The following PHACTR2 variants were observed in gnomAD, a reference collection of about 807,000 sequenced individuals.
PHACTR2 encodes phosphatase and actin regulator 2.
Under a neutral mutation model 76.0 loss-of-function variants are expected in PHACTR2, and 30 were observed. That is an observed-to-expected ratio of 0.39 (90% CI 0.30 to 0.54). The LOEUF is 0.54. Among genes scored for constraint, PHACTR2 ranks in the 20% least tolerant of loss-of-function variants. PHACTR2 has a pLI of 0.61. For missense variants in PHACTR2, 696 were observed against 781.1 expected (o/e 0.89, Z 1.30); for synonymous variants, 292 against 292.5 (o/e 1.00, Z 0.02).
rs1327353294 is a variant in PHACTR2, at chr6:143,592,265, C to G, written c.217+55058C>G. 6.6e-6 allele frequency among the ~76,000 whole-genome samples: 1 copy of G among 152,162 alleles called. No individual in the cohort carries two copies. The highest frequency in any genetic ancestry group is 6.5e-5 in the Admixed American group (1 of 15,278). The stretch of plus-strand genomic sequence containing the variant: ...TTCCATTTGTGTACTTGCCCCAGTC[C>G]CTACAAATGTAATGGGCAGGCTTGG... On this transcript the variant is annotated intron_variant, in intron 1 of 11. Coordinates refer to the PHACTR2 transcript ENST00000367584. This position sits in a 1 kb window ranked among gnomAD's most constrained non-coding sequence, Gnocchi z 4.0.
Position 143,773,932 on chromosome 6 carries a change from G to A in PHACTR2, c.1433-127G>A, listed in dbSNP as rs528019828. 132 of 626,148 alleles carry A rather than the reference G, an allele frequency of 2.1e-4. No homozygotes were observed. The South Asian group carries it at 3.4e-3, about 16-fold the overall frequency. 38.8% of individuals were successfully genotyped at this position (626,148 alleles called of 1,614,324 possible). On this transcript the variant is annotated intron_variant, in intron 7 of 12. Coordinates refer to ENST00000440869, the MANE Select transcript of PHACTR2 (RefSeq NM_001100164.2). ...GTCTTTTTTTCCTTAGGTTAATTAA[G>A]ATTCTCCTCCTGCATGAGGAGAAAG...
chr6:143,673,153 AT>A (rs976373511), upstream of PHACTR2, among the ~76,000 whole-genome samples: 1 of 152,170 alleles, frequency 6.6e-6, no homozygotes, highest in Non-Finnish European at 1.5e-5. Context: ...CCTTATGCCC[AT>A]GTGCTAGAGG....
upstream of PHACTR2, chr6:143,608,159 C>A (rs543117756): frequency 1.4e-6 from 1 of 732,326 alleles, no homozygotes; most frequent in South Asian, 1.5e-5. This position sits in a 1 kb window ranked among gnomAD's most constrained non-coding sequence, Gnocchi z 4.6. Flanking sequence ...TATAAATTTC[C>A]TGGCGGTGTC....
At chr6:143,808,688 C>A (rs1228667763) in intron 12 of PHACTR2, among the ~76,000 whole-genome samples, 2 of 152,026 alleles carry the variant, frequency 1.3e-5, no homozygotes, top group Admixed American at 6.6e-5. Context: ...CTGCAGACAC[C>A]AAGAGCTGAA....
rs1354373617 is a variant in PHACTR2 at position 143,791,164 on chromosome 6, T to C, written c.1845+2254T>C. ...TTTTTGTTTACCTGGAGTTGTTTTTTGGGGGAAGGTATAAGATATGCTTTC... is the reference window on the plus strand; with the variant it reads ...TTTTTGTTTACCTGGAGTTGTTTTTCGGGGGAAGGTATAAGATATGCTTTC... On this transcript the variant is annotated intron_variant, in intron 11 of 12. Transcript: ENST00000440869. This position sits in a 1 kb window ranked among gnomAD's most constrained non-coding sequence, Gnocchi z 4.7. 2.0e-5 allele frequency among the ~76,000 whole-genome samples: 3 copies of C among 152,200 alleles called. No individual in the cohort carries two copies. Among genetic ancestry groups the C allele is most frequent in the Non-Finnish European group, 4.4e-5 (3 of 68,022 alleles).
intron 6 of PHACTR2, among the ~76,000 whole-genome samples, chr6:143,766,341 A>G (rs994221492): frequency 4.6e-5 from 7 of 152,218 alleles, no homozygotes; most frequent in Non-Finnish European, 7.3e-5. Flanking sequence ...TGTGTCTACT[A>G]TACTTAACCC....
rs1357375077 is a variant in PHACTR2, at chr6:143,664,374, T to C, written c.14-47642T>C. 6.6e-6 allele frequency among the ~76,000 whole-genome samples: 1 copy of C among 152,178 alleles called. No homozygotes were observed. The highest frequency in any genetic ancestry group is 2.4e-5 in the African/African-American group (1 of 41,454). On this transcript the variant is annotated intron_variant, in intron 1 of 11. Coordinates refer to the PHACTR2 transcript ENST00000305766. This position sits in a 1 kb window ranked among gnomAD's most constrained non-coding sequence, Gnocchi z 5.1. ...CAATTTTTTAGTCTTTGTCATTAGA[T>C]AAGAAAGCTTATTCCTTTCATATTT...
chr6:143,589,372 C>T lies in PHACTR2; in HGVS notation c.217+52165C>T, dbSNP rs1271737426. The stretch of plus-strand genomic sequence containing the variant: ...GGGGCACCTCACCCTTTGCTCTCTT[C>T]CTCCTGCTCCAGCCATGTAAGACGT... On this transcript the variant is annotated intron_variant, in intron 1 of 11. Coordinates refer to the PHACTR2 transcript ENST00000367584. The surrounding 1 kb of genome is among the most constrained non-coding windows in gnomAD (Gnocchi z 4.4). Among the ~76,000 whole-genome samples, 1 of 152,204 alleles carries T rather than the reference C, an allele frequency of 6.6e-6. No homozygotes were observed. Among genetic ancestry groups the T allele is most frequent in the Non-Finnish European group, 1.5e-5 (1 of 68,042 alleles).
intron 2 of PHACTR2, among the ~76,000 whole-genome samples, chr6:143,744,959 C>T (rs996872514): frequency 6.6e-6 from 1 of 152,120 alleles, no homozygotes; most frequent in Non-Finnish European, 1.5e-5. Context: ...ATAAAAAAAG[C>T]TCTTATGCTT....
At chr6:143,732,950 T>C (rs1290825475) in intron 2 of PHACTR2, among the ~76,000 whole-genome samples, 1 of 152,062 alleles carries the variant, frequency 6.6e-6, no homozygotes, top group Non-Finnish European at 1.5e-5. Flanking sequence ...AGTGCAGTGG[T>C]GTGATCATTT....
chr6:143,662,129 C>A lies in PHACTR2; in HGVS notation c.14-49887C>A, dbSNP rs1365522494. ...CTTTCTCAGCTCCCATCTTTATCACCTGTTTGGAGAATGTGTCAACATTCC... is the reference window on the plus strand; with the variant it reads ...CTTTCTCAGCTCCCATCTTTATCACATGTTTGGAGAATGTGTCAACATTCC... On this transcript the variant is annotated intron_variant, in intron 1 of 11. Coordinates refer to the PHACTR2 transcript ENST00000305766. This position sits in a 1 kb window ranked among gnomAD's most constrained non-coding sequence, Gnocchi z 4.7. Among the ~76,000 whole-genome samples the A allele has an allele frequency of 2.0e-5, 3 of 152,136 alleles. No homozygotes were observed. Among genetic ancestry groups the A allele is most frequent in the African/African-American group, 4.8e-5 (2 of 41,432 alleles).
At chr6:143,763,492 A>G (rs192892063) in intron 5 of PHACTR2, among the ~76,000 whole-genome samples, 1 of 152,368 alleles carries the variant, frequency 6.6e-6, no homozygotes, top group African/African-American at 2.4e-5. Context: ...TGTTGTGAAA[A>G]GTAAATGTAG....
chr6:143,670,777 T>C (rs559172816), intron 1 of PHACTR2, among the ~76,000 whole-genome samples: 2 of 152,310 alleles, frequency 1.3e-5, no homozygotes, highest in East Asian at 3.9e-4. Flanking sequence ...CTTCCTTGCA[T>C]TGGGTTAGAA....
At chr6:143,797,689 T>C (rs1390988390) in intron 11 of PHACTR2, among the ~76,000 whole-genome samples, 1 of 152,228 alleles carries the variant, frequency 6.6e-6, no homozygotes, top group Non-Finnish European at 1.5e-5. Context: ...ATCGCTTGTA[T>C]GTGTCAGGTT....
Position 143,824,732 on chromosome 6 carries a change from T to G in PHACTR2, c.*1043T>G, listed in dbSNP as rs1297940451. On this transcript the variant is annotated 3_prime_UTR_variant, in exon 13 of 13. Transcript: ENST00000440869. This position sits in a 1 kb window ranked among gnomAD's most constrained non-coding sequence, Gnocchi z 6.3. ...AGTCCTGCATGGGAATAAGGACTAGTTATTTTTTTAGTGCTGCATTTTTTT... is the reference window on the plus strand; with the variant it reads ...AGTCCTGCATGGGAATAAGGACTAGGTATTTTTTTAGTGCTGCATTTTTTT... 2 of 152,594 alleles carry G rather than the reference T, an allele frequency of 1.3e-5. No homozygotes were observed. The highest frequency in any genetic ancestry group is 3.9e-4 in the East Asian group (2 of 5,178). 9.5% of individuals were successfully genotyped at this position (152,594 alleles called of 1,614,324 possible).
chr6:143,690,963 G>A (rs1763378793), intron 1 of PHACTR2, among the ~76,000 whole-genome samples: 1 of 152,160 alleles, frequency 6.6e-6, no homozygotes, highest in African/African-American at 2.4e-5. Context: ...GATCCTGGGG[G>A]TATTACAAAC....
chr6:143,548,355 A>G lies in PHACTR2; in HGVS notation c.217+11148A>G, dbSNP rs981817685. 4.6e-5 allele frequency among the ~76,000 whole-genome samples: 7 copies of G among 152,104 alleles called. No homozygotes were observed. Among genetic ancestry groups the G allele is most frequent in the African/African-American group, 1.7e-4 (7 of 41,462 alleles). On this transcript the variant is annotated intron_variant, in intron 1 of 11. Coordinates refer to the PHACTR2 transcript ENST00000367584. This position sits in a 1 kb window ranked among gnomAD's most constrained non-coding sequence, Gnocchi z 4.5. ...TCTAATGTTTGGATTTTGAAGGGAT[A>G]TAAGCATTCAGTCCGTAACACTACC...
At position 143,648,167 on chromosome 6, in the gene PHACTR2, A is replaced by C. The variant is rs1776692442; in HGVS notation, c.13+39845A>C. On this transcript the variant is annotated intron_variant, in intron 1 of 11. Transcript: ENST00000305766. The surrounding 1 kb of genome is among the most constrained non-coding windows in gnomAD (Gnocchi z 6.7). ...AAAACTCATAGCAGCATAGTGCAAGAATACAGACAGCATCCTGTTAAGGAC... is the reference window on the plus strand; with the variant it reads ...AAAACTCATAGCAGCATAGTGCAAGCATACAGACAGCATCCTGTTAAGGAC... Among the ~76,000 whole-genome samples the C allele has an allele frequency of 1.3e-5, 2 of 152,158 alleles. No homozygotes were observed. Among genetic ancestry groups the C allele is most frequent in the South Asian group, 4.1e-4 (2 of 4,832 alleles).
chr6:143,711,054 G>T (rs1010986201), intron 1 of PHACTR2: 4 of 516,306 alleles, frequency 7.7e-6, no homozygotes, highest in African/African-American at 7.7e-5. Flanking sequence ...TTTTACAAAA[G>T]TGAAATGCAA....
Sources: gnomAD v4.1 joint callset for allele counts (sites outside exome capture counted in the v4.1 genomes callset) on GRCh38, gnomAD v4.1.1 for gene constraint, Gnocchi (gnomAD v3.1) non-coding constraint, MANE v1.5 for transcripts, NCBI Gene and HGNC (gene_info 2026-07-23, HGNC 2026-07-21) for gene names.